ANKRD36C: variants seen among roughly 807,000 people sequenced by gnomAD.
ANKRD36C encodes ankyrin repeat domain-containing protein 36C.
ANKRD36C carries 61 observed loss-of-function variants against 276.4 expected under a neutral mutation model. That is an observed-to-expected ratio of 0.22 (90% CI 0.18 to 0.27). The LOEUF is 0.27. ANKRD36C is among the 10% of genes least tolerant of loss of function. The pLI, the probability that ANKRD36C is intolerant of heterozygous loss-of-function variation, is 1.00. For synonymous variants in ANKRD36C, 483 were observed against 680.1 expected, an observed-to-expected ratio of 0.71 and a Z score of 4.51; for missense variants, 1,447 against 2,032.3, an observed-to-expected ratio of 0.71 and a Z score of 5.54.
chr2:95,961,787 T>A (rs1382692949), intron 8 of ANKRD36C, among the ~76,000 whole-genome samples: 2 of 152,078 alleles, frequency 1.3e-5, no homozygotes, highest in African/African-American at 4.8e-5. Context: ...TCTTCTTTTA[T>A]GCAAATATTC....
chr2:95,963,986 T>TATATAA (rs1322038519), intron 6 of ANKRD36C, among the ~76,000 whole-genome samples: 133 of 19,000 alleles, frequency 7.0e-3, no homozygotes, highest in Admixed American at 0.014. Context: ...TATATATATA[T>TATATAA]ATATATATAT....
chr2:95,860,154 G>A (rs957018512), intron 60 of ANKRD36C, 80 bp from the exon 81 acceptor site: 25 of 1,020,880 alleles, frequency 2.4e-5, no homozygotes, highest in African/African-American at 1.6e-4. Context: ...TTTTTAACAT[G>A]TATTCATTCA....
intron 28 of ANKRD36C, 70 bp downstream of exon 28, chr2:95,927,144 T>A (rs542243319): frequency 1.3e-6 from 2 of 1,587,890 alleles, no homozygotes; most frequent in African/African-American, 2.7e-5. Flanking sequence ...CCCCGCTGAT[T>A]TATTCCAGGG....
intron 58 of ANKRD36C, among the ~76,000 whole-genome samples, chr2:95,878,609 G>A (rs1558624416): frequency 6.6e-6 from 1 of 152,098 alleles, no homozygotes; most frequent in Non-Finnish European, 1.5e-5. Flanking sequence ...CTAAATTTGT[G>A]TTCCTTTCCC....
chr2:95,882,272 C>A, intron 56 of ANKRD36C, 30 bp downstream of exon 76: 1 of 1,548,262 alleles, frequency 6.5e-7, no homozygotes, highest in Admixed American at 2.0e-5. Context: ...CTTGAGTGCA[C>A]ATGACATTAA....
At chr2:95,962,849 T>C (rs528582565) in intron 6 of ANKRD36C, among the ~76,000 whole-genome samples, 1 of 152,106 alleles carries the variant, frequency 6.6e-6, no homozygotes, top group East Asian at 1.9e-4. Context: ...ACAAATGTGG[T>C]CTAAAAACAG....
At chr2:95,878,686 T>A (rs1676008335) in intron 58 of ANKRD36C, among the ~76,000 whole-genome samples, 1 of 152,202 alleles carries the variant, frequency 6.6e-6, no homozygotes, top group Admixed American at 6.5e-5. Context: ...TGCTATCAGA[T>A]GGCAAACAGG....
intron 38 of ANKRD36C, among the ~76,000 whole-genome samples, chr2:95,915,550 A>G (rs1245232136): frequency 2.6e-5 from 4 of 151,486 alleles, no homozygotes. Flanking sequence ...AATAATTGCT[A>G]CATCAGGGGT....
In ANKRD36C at chr2:95,859,850, C is replaced by T. The variant is rs1456604803; in HGVS notation, c.3896+11G>A. 1 of 1,548,314 alleles carries T rather than the reference C, an allele frequency of 6.5e-7. No homozygotes were observed. Among genetic ancestry groups the T allele is most frequent in the African/African-American group, 1.4e-5 (1 of 73,030 alleles). On this transcript the variant is annotated intron_variant, in intron 61 of 66. Coordinates refer to ENST00000456556, the Ensembl canonical transcript of ANKRD36C. Reference sequence around the variant, plus strand: ...AAACAGTTCAAACATTTATTTAAAACTAGGTCATACCTCAAACTACAGAGT... The same window carrying T: ...AAACAGTTCAAACATTTATTTAAAATTAGGTCATACCTCAAACTACAGAGT...
At chr2:95,890,146 C>G (rs1414572298) in intron 46 of ANKRD36C, among the ~76,000 whole-genome samples, 152 bp from the exon 67 acceptor site, 1 of 151,482 alleles carries the variant, frequency 6.6e-6, no homozygotes, top group East Asian at 2.0e-4. Context: ...AAGAACATGA[C>G]AGAAGTACAC....
At chr2:95,948,406 C>T (rs1678111157) in intron 17 of ANKRD36C, 124 bp downstream of exon 17, 8 of 984,874 alleles carry the variant, frequency 8.1e-6, no homozygotes, top group Non-Finnish European at 1.1e-5. Context: ...ATGGTTATCT[C>T]TAATAAAAGT....
At chr2:95,852,457 A>C (rs78577268) in intron 64 of ANKRD36C, 1 of 410,338 alleles carries the variant, frequency 2.4e-6, no homozygotes, top group African/African-American at 2.1e-5. Flanking sequence ...TATTGCAACA[A>C]GGATCTTATG....
chr2:95,965,498 GA>G lies in ANKRD36C; in HGVS notation c.800-2952del, dbSNP rs1456007137. 2.6e-5 allele frequency among the ~76,000 whole-genome samples: 4 copies of G among 151,792 alleles called. No homozygotes were observed. In the East Asian group the frequency reaches 7.8e-4, roughly 29 times the overall value. On this transcript the variant is annotated intron_variant, in intron 6 of 66. Transcript: ENST00000456556. ...GATTTTCTCAGGGTCATGACATGTC[GA>G]AAAGACATGCTTTAAGGGGGAAACA... is the stretch of plus-strand genomic sequence containing the variant.
intron 44 of ANKRD36C, chr2:95,893,593 C>T (rs751463201): frequency 1.1e-5 from 18 of 1,577,688 alleles, no homozygotes; most frequent in African/African-American, 2.7e-5. Flanking sequence ...GAATCTTCCT[C>T]GTCACCTGTA....
intron 38 of ANKRD36C, among the ~76,000 whole-genome samples, chr2:95,915,022 A>T (rs1677051594): frequency 6.6e-6 from 1 of 151,592 alleles, no homozygotes; most frequent in Non-Finnish European, 1.5e-5. Context: ...ATTTTGACAT[A>T]TTTCTACAAA....
intron 6 of ANKRD36C, among the ~76,000 whole-genome samples, chr2:95,970,701 C>G (rs2918855): frequency 1.3e-3 from 192 of 152,156 alleles, no homozygotes; most frequent in African/African-American, 4.5e-3. Context: ...CAAAGTGATC[C>G]CTCAAAGAAA....
At chr2:95,910,336 G>C (rs1373513770) in intron 42 of ANKRD36C, 37 bp downstream of exon 46, 1 of 1,517,416 alleles carries the variant, frequency 6.6e-7, no homozygotes, top group South Asian at 1.2e-5. Context: ...TTATCTATCT[G>C]GACAGAACAC....
chr2:95,917,788 A>T, intron 36 of ANKRD36C, 67 bp downstream of exon 38: 2 of 1,535,360 alleles, frequency 1.3e-6, no homozygotes, highest in Middle Eastern at 2.3e-4. Flanking sequence ...CCGCTGATTT[A>T]TTCAGGGTAG....
chr2:95,920,992 C>T (rs1158968495), intron 34 of ANKRD36C, among the ~76,000 whole-genome samples: 16 of 150,316 alleles, frequency 1.1e-4, no homozygotes, highest in Admixed American at 6.6e-5. Flanking sequence ...TTTCCTGCTT[C>T]CAGTAGTTCC....
Sources: allele counts gnomAD v4.1 joint callset (sites outside exome capture counted in the v4.1 genomes callset), GRCh38; gene constraint gnomAD v4.1.1; transcripts MANE v1.5; gene names NCBI Gene and HGNC (gene_info 2026-07-23, HGNC 2026-07-21).